SEMA5A: variants seen among roughly 807,000 people sequenced by gnomAD.
The protein encoded by SEMA5A is semaphorin-5A.
In SEMA5A, 55 loss-of-function variants were observed where a neutral mutation model predicts 135.5. That is an observed-to-expected ratio of 0.41 (90% CI 0.33 to 0.51). The LOEUF is 0.51. Ranked by LOEUF, SEMA5A falls within the 20% of genes least tolerant of loss-of-function variation. The pLI is 0.37. For synonymous variants in SEMA5A, 580 were observed against 546.5 expected, an observed-to-expected ratio of 1.06 and a Z score of -0.85; for missense variants, 1,290 against 1,419.9, an observed-to-expected ratio of 0.91 and a Z score of 1.47.
intron 3 of SEMA5A, among the ~76,000 whole-genome samples, chr5:9,356,739 T>C (rs1754466316): frequency 6.6e-6 from 1 of 152,222 alleles, no homozygotes; most frequent in South Asian, 2.1e-4. Context: ...GATACTGAAG[T>C]AGATCATACC....
At position 9,485,437 on chromosome 5, in the gene SEMA5A, T is replaced by C. The variant is rs573745127; in HGVS notation, c.-174-47585A>G. ...GAACTAAAAAGGTTGCTGGAAAATG[T>C]TGTAGTATGTCTAGGGATGCCCCGA... is the stretch of plus-strand genomic sequence containing the variant. On this transcript the variant is annotated intron_variant, in intron 1 of 22. Transcript: ENST00000382496. Among the ~76,000 whole-genome samples, 5 of 152,286 alleles carry C rather than the reference T, an allele frequency of 3.3e-5. No homozygotes were observed. In the East Asian group the frequency reaches 9.6e-4, roughly 29 times the overall value.
chr5:9,219,203 G>C (rs1746797553), intron 8 of SEMA5A, among the ~76,000 whole-genome samples: 1 of 152,194 alleles, frequency 6.6e-6, no homozygotes. Context: ...TCAGAGAGGG[G>C]CTAGTGCAGC....
intron 19 of SEMA5A, among the ~76,000 whole-genome samples, chr5:9,053,039 C>T (rs1736677849): frequency 6.6e-6 from 1 of 152,138 alleles, no homozygotes; most frequent in Non-Finnish European, 1.5e-5. Context: ...GGCTTTAAGG[C>T]CCTTTTCAAT....
Position 9,054,169 on chromosome 5 carries a change from G to A in SEMA5A, c.2607C>T (p.Ser869=). 6.2e-7 allele frequency: 1 copy of A among 1,614,016 alleles called. No homozygotes were observed. Among genetic ancestry groups the A allele is most frequent in the Non-Finnish European group, 8.5e-7 (1 of 1,179,986 alleles). ...CCCCTCCATAGGCCGGGGCTGGATTGGAGCAAGAGCGGGTCCTCATATAGT... is the reference window on the plus strand; with the variant it reads ...CCCCTCCATAGGCCGGGGCTGGATTAGAGCAAGAGCGGGTCCTCATATAGT... ...GGHYMRTRSC[S]NPAPAYGGDI... Residue 869 remains serine (S), a synonymous_variant, in exon 19 of 23, where the codon TCC becomes TCT. Transcript: ENST00000382496.
chr5:9,304,522 A>G (rs1183464374), intron 5 of SEMA5A, among the ~76,000 whole-genome samples: 2 of 152,004 alleles, frequency 1.3e-5, no homozygotes, highest in Admixed American at 1.3e-4. Flanking sequence ...ATCTAAAATA[A>G]TAAAGAAAGC....
intron 3 of SEMA5A, among the ~76,000 whole-genome samples, chr5:9,375,425 G>A (rs1404247889): frequency 1.3e-5 from 2 of 151,882 alleles, no homozygotes; most frequent in African/African-American, 4.8e-5. Context: ...AGACTGGAGT[G>A]ATGTGTCCAT....
intron 5 of SEMA5A, among the ~76,000 whole-genome samples, chr5:9,278,112 TTA>T (rs1491263302): frequency 2.5e-5 from 3 of 120,234 alleles, no homozygotes; most frequent in Non-Finnish European, 5.6e-5. Flanking sequence ...TCATGTAAAC[TTA>T]AAAAAAAAAA....
chr5:9,479,477 C>T (rs1051429353), intron 1 of SEMA5A, among the ~76,000 whole-genome samples: 3 of 152,128 alleles, frequency 2.0e-5, no homozygotes, highest in Admixed American at 6.5e-5. Flanking sequence ...TGGACGTGGG[C>T]TCTGCAGCTT....
At chr5:9,433,749 A>G (rs1212937958) in intron 2 of SEMA5A, among the ~76,000 whole-genome samples, 2 of 152,216 alleles carry the variant, frequency 1.3e-5, no homozygotes, top group African/African-American at 4.8e-5. Flanking sequence ...AAAACAATTA[A>G]TAATACTACT....
At chr5:9,393,999 T>A (rs1756279412) in intron 2 of SEMA5A, among the ~76,000 whole-genome samples, 1 of 152,074 alleles carries the variant, frequency 6.6e-6, no homozygotes, top group Admixed American at 6.5e-5. Flanking sequence ...GAAAAAAGAA[T>A]AATATAGTAA....
chr5:9,123,314 T>G, intron 13 of SEMA5A, among the ~76,000 whole-genome samples: 1 of 137,870 alleles, frequency 7.3e-6, no homozygotes, highest in African/African-American at 2.7e-5. Context: ...AGGGAGTATT[T>G]CAACGTAAAG....
chr5:9,539,776 A>G (rs914625707), intron 1 of SEMA5A, among the ~76,000 whole-genome samples: 7 of 152,216 alleles, frequency 4.6e-5, no homozygotes, highest in Non-Finnish European at 1.0e-4. Context: ...GGAATATTCA[A>G]TCTGTACACA....
chr5:9,534,721 C>T (rs544265515), intron 1 of SEMA5A, among the ~76,000 whole-genome samples: 10 of 152,274 alleles, frequency 6.6e-5, no homozygotes, highest in African/African-American at 2.4e-4. Context: ...ACAGGCACAG[C>T]AGTGGCAGTG....
chr5:9,480,239 T>C (rs949882309), intron 1 of SEMA5A, among the ~76,000 whole-genome samples: 3 of 152,146 alleles, frequency 2.0e-5, no homozygotes, highest in African/African-American at 7.2e-5. Flanking sequence ...GTTCAGACTA[T>C]AGGAAAGCAA....
chr5:9,322,716 A>G (rs997736547), intron 4 of SEMA5A, among the ~76,000 whole-genome samples: 2 of 152,106 alleles, frequency 1.3e-5, no homozygotes, highest in African/African-American at 4.8e-5. Context: ...GTTTCAGAGA[A>G]AGTCCTGGGA....
rs189967330 is a variant in SEMA5A at position 9,392,176 on chromosome 5, G to A, written c.-77-12153C>T. ...AGCCTCCCTGGCCAGGCAGGCTAAA[G>A]TACCTCCCTTTTACTCCACTATTAG... On this transcript the variant is annotated intron_variant, in intron 2 of 22. Transcript: ENST00000382496. 4.4e-4 allele frequency among the ~76,000 whole-genome samples: 67 copies of A among 152,202 alleles called. 1 individual carries two copies. The highest frequency in any genetic ancestry group is 1.5e-3 in the African/African-American group (62 of 41,534).
chr5:9,096,554 CTGTGTGTGTGTG>C (rs56202626), intron 16 of SEMA5A, among the ~76,000 whole-genome samples: 23 of 144,518 alleles, frequency 1.6e-4, no homozygotes, highest in African/African-American at 4.4e-4. Flanking sequence ...TAATATTCCA[CTGTGTGTGTGTG>C]TGTGTGTGTG....
intron 5 of SEMA5A, among the ~76,000 whole-genome samples, chr5:9,303,402 T>C (rs1230767652): frequency 1.3e-5 from 2 of 152,162 alleles, no homozygotes; most frequent in Non-Finnish European, 2.9e-5. Context: ...GAATATATTT[T>C]AAAAAGAACT....
At chr5:9,308,180 C>T (rs1227781076) in intron 5 of SEMA5A, among the ~76,000 whole-genome samples, 4 of 152,088 alleles carry the variant, frequency 2.6e-5, no homozygotes, top group African/African-American at 9.7e-5. Context: ...CTATCGGCAC[C>T]CCATCCAGCT....
Sources: allele counts gnomAD v4.1 joint callset (sites outside exome capture counted in the v4.1 genomes callset), GRCh38; gene constraint gnomAD v4.1.1; transcripts MANE v1.5; gene names NCBI Gene and HGNC (gene_info 2026-07-23, HGNC 2026-07-21).